The following ATAD2 variants were observed in gnomAD, a reference collection of about 807,000 sequenced individuals.
ATAD2 encodes the protein ATPase family AAA domain containing 2, also known as ATPase family AAA domain-containing protein 2.
A neutral mutation model predicts 168.9 loss-of-function variants in ATAD2; 62 were observed. That is an observed-to-expected ratio of 0.37 (90% CI 0.30 to 0.45). The LOEUF is 0.45. Ranked by LOEUF, ATAD2 falls within the 20% of genes least tolerant of loss-of-function variation. ATAD2 has a pLI of 1.00. For missense variants in ATAD2, 1,419 were observed against 1,667.8 expected (o/e 0.85, Z 2.60); for synonymous variants, 613 against 571.6 (o/e 1.07, Z -1.03).
intron 7 of ATAD2, 94 bp from the exon 8 acceptor site, chr8:123,369,269 T>G (rs1586888924): frequency 2.6e-6 from 1 of 385,752 alleles, no homozygotes; most frequent in East Asian, 7.6e-5. Context: ...ATCTAAATAC[T>G]TACAAAGGTG....
intron 24 of ATAD2, among the ~76,000 whole-genome samples, chr8:123,333,076 C>T (rs1010094009): frequency 1.3e-5 from 2 of 151,724 alleles, no homozygotes; most frequent in Non-Finnish European, 2.9e-5. Flanking sequence ...CCTTAACACA[C>T]ACACAGAGAT....
intron 1 of ATAD2, among the ~76,000 whole-genome samples, chr8:123,388,456 C>T (rs777701584): frequency 2.0e-4 from 31 of 152,224 alleles, no homozygotes; most frequent in Admixed American, 2.6e-4. Flanking sequence ...TGTAGCAGCA[C>T]GATCTCAGCT....
chr8:123,373,321 T>G (rs1829205471), intron 2 of ATAD2, among the ~76,000 whole-genome samples: 1 of 152,056 alleles, frequency 6.6e-6, no homozygotes, highest in Non-Finnish European at 1.5e-5. Context: ...AGTGCTAGGA[T>G]TATAGGTATG....
chr8:123,321,726 G>A (rs895781065), intron 27 of ATAD2, among the ~76,000 whole-genome samples: 12 of 151,970 alleles, frequency 7.9e-5, no homozygotes, highest in Non-Finnish European at 1.0e-4. Context: ...TTGAAGCTAC[G>A]AATTTGGGAC....
rs1336216507 is a variant in ATAD2, at chr8:123,320,042, T to C, written c.*1092A>G. ...TTGCTTTATGCATTACATAAGATAG[T>C]ATGTACTAATTAAGGTATTGAATTC... On this transcript the variant is annotated 3_prime_UTR_variant, in exon 28 of 28. Coordinates refer to ENST00000287394, the MANE Select transcript of ATAD2 (RefSeq NM_014109.4). 6.6e-6 allele frequency: 1 copy of C among 152,180 alleles called. No individual in the cohort carries two copies. The highest frequency in any genetic ancestry group is 1.5e-5 in the Non-Finnish European group (1 of 68,018). The allele number at this position is 152,180 out of a possible 1,614,324, so 9.4% of individuals were successfully genotyped here.
In ATAD2 at chr8:123,402,110, C is replaced by G; in HGVS notation, c.-2281-935G>C. The G allele has an allele frequency of 9.9e-7, 1 of 1,014,886 alleles. No individual in the cohort carries two copies. The highest frequency in any genetic ancestry group is 1.6e-5 in the African/African-American group (1 of 62,708). 62.9% of individuals were successfully genotyped at this position (1,014,886 alleles called of 1,614,324 possible). A position where few individuals can be genotyped will look rare whatever the true frequency, so the allele number is the denominator to read the frequency against. On this transcript the variant is annotated intron_variant, in intron 1 of 28. Transcript: ENST00000521903. The surrounding 1 kb of genome is among the most constrained non-coding windows in gnomAD (Gnocchi z 4.8). Reference sequence around the variant, plus strand: ...CTCTTAGGAGAAGCGGCTGTACTGACAGCAGTGGAGGCCGAGGTGGTGGAG... The same window carrying G: ...CTCTTAGGAGAAGCGGCTGTACTGAGAGCAGTGGAGGCCGAGGTGGTGGAG...
At chr8:123,348,381 C>A in intron 14 of ATAD2, 108 bp from the exon 15 acceptor site, 1 of 925,410 alleles carries the variant, frequency 1.1e-6, no homozygotes, top group Non-Finnish European at 1.6e-6. Flanking sequence ...TTAAAGTGAT[C>A]AGTACTTAAT....
intron 1 of ATAD2, among the ~76,000 whole-genome samples, chr8:123,392,336 T>C (rs1378721550): frequency 2.0e-5 from 3 of 152,110 alleles, no homozygotes; most frequent in South Asian, 2.1e-4. Context: ...GGAGAGTGGT[T>C]TGTAATTTTA....
chr8:123,389,621 CAG>C (rs1359789450), intron 1 of ATAD2, among the ~76,000 whole-genome samples: 5 of 151,246 alleles, frequency 3.3e-5, no homozygotes, highest in Admixed American at 1.3e-4. Context: ...GCCTGGGCGA[CAG>C]AGCAAGGCTC....
At chr8:123,325,415 TG>T (rs570814552) in intron 26 of ATAD2, among the ~76,000 whole-genome samples, 31 of 152,188 alleles carry the variant, frequency 2.0e-4, no homozygotes, top group African/African-American at 7.0e-4. Flanking sequence ...CCCGAGTAGC[TG>T]GGACTACAGG....
chr8:123,342,379 T>C (rs547701504), intron 19 of ATAD2: 1 of 152,258 alleles, frequency 6.6e-6, no homozygotes, highest in South Asian at 2.1e-4. Context: ...ATATGCAATC[T>C]GGGAAATGAA....
chr8:123,401,057 G>A (rs1360839508), upstream of ATAD2: 13 of 1,572,850 alleles, frequency 8.3e-6, no homozygotes, highest in Admixed American at 8.4e-5. Context: ...GTCACTTCCC[G>A]AGACATCGAC....
chr8:123,347,619 C>T (rs1828294249), intron 15 of ATAD2, among the ~76,000 whole-genome samples: 1 of 152,080 alleles, frequency 6.6e-6, no homozygotes, highest in South Asian at 2.1e-4. Flanking sequence ...TTTAAGAGTG[C>T]AATACACAAG....
At chr8:123,355,070 A>G (rs1214807203) in intron 13 of ATAD2, among the ~76,000 whole-genome samples, 1 of 151,660 alleles carries the variant, frequency 6.6e-6, no homozygotes, top group Non-Finnish European at 1.5e-5. Context: ...TGATAATGAA[A>G]TGCGTCACAT....
chr8:123,324,804 T>C (rs899014609), intron 26 of ATAD2, among the ~76,000 whole-genome samples: 4 of 152,152 alleles, frequency 2.6e-5, no homozygotes, highest in Non-Finnish European at 5.9e-5. Context: ...AGGATGAAAA[T>C]TGAATTTAGG....
chr8:123,360,954 T>C (rs199604776), intron 9 of ATAD2, among the ~76,000 whole-genome samples: 2 of 139,622 alleles, frequency 1.4e-5, no homozygotes. Flanking sequence ...AAAAAAAAAA[T>C]ACATGAAAAG....
chr8:123,390,570 T>C (rs1829800334), intron 1 of ATAD2, among the ~76,000 whole-genome samples: 2 of 152,216 alleles, frequency 1.3e-5, no homozygotes, highest in South Asian at 2.1e-4. Context: ...CTGTACTGTG[T>C]TATGCTTTAA....
chr8:123,372,993 C>G (rs183527090), intron 2 of ATAD2, among the ~76,000 whole-genome samples: 3 of 151,614 alleles, frequency 2.0e-5, no homozygotes, highest in East Asian at 1.9e-4. Flanking sequence ...CCTGGGTTCA[C>G]GCCATTCTCC....
chr8:123,348,171 A>G lies in ATAD2; in HGVS notation c.1897+12T>C. 3.2e-6 allele frequency: 5 copies of G among 1,556,320 alleles called. No individual in the cohort carries two copies. Among genetic ancestry groups the G allele is most frequent in the Non-Finnish European group, 4.4e-6 (5 of 1,148,958 alleles). On this transcript the variant is annotated intron_variant, in intron 15 of 27. Transcript: ENST00000287394. ...TGTAGTATTTATTTTAACTGCTTAA[A>G]ACAATGTTTACCAACACAGTTTTCT...
Sources: gnomAD v4.1 joint callset for allele counts (sites outside exome capture counted in the v4.1 genomes callset) on GRCh38, gnomAD v4.1.1 for gene constraint, Gnocchi (gnomAD v3.1) non-coding constraint, MANE v1.5 for transcripts, NCBI Gene and HGNC (gene_info 2026-07-23, HGNC 2026-07-21) for gene names.